The following CRBN variants were observed in gnomAD, a reference collection of about 807,000 sequenced individuals.
The protein encoded by CRBN is cereblon.
In CRBN, 53 loss-of-function variants were observed where a neutral mutation model predicts 62.2. That is an observed-to-expected ratio of 0.85 (90% confidence interval 0.68 to 1.07). The LOEUF is 1.07. CRBN is among the 50% of genes least tolerant of loss of function. CRBN has a pLI of 0.00. For synonymous variants in CRBN, 208 were observed against 176.1 expected (o/e 1.18, Z -1.43); for missense variants, 616 against 531.1 (o/e 1.16, Z -1.57).
At chr3:3,177,119 C>T (rs1426224117) in intron 1 of CRBN, among the ~76,000 whole-genome samples, 1 of 151,504 alleles carries the variant, frequency 6.6e-6, no homozygotes, top group Non-Finnish European at 1.5e-5. Flanking sequence ...AAGAATTCTC[C>T]AGCCCAAAAG....
chr3:3,167,158 A>G (rs780748460), intron 5 of CRBN, among the ~76,000 whole-genome samples: 1 of 152,152 alleles, frequency 6.6e-6, no homozygotes, highest in Non-Finnish European at 1.5e-5. Flanking sequence ...AAGAGCACCT[A>G]GTCTCAAGTC....
rs1186399046 is a variant in CRBN at position 3,150,443 on chromosome 3, G to T, written c.*422C>A. On this transcript the variant is annotated 3_prime_UTR_variant, in exon 11 of 11. Coordinates refer to ENST00000231948, the MANE Select transcript of CRBN (RefSeq NM_016302.4). ...GTCACCCTAGCTTTTGTTATTTAGA[G>T]CACTGGTACAGATACGCTGTCCCAT... The T allele has an allele frequency of 6.0e-6, 1 of 166,376 alleles. No individual in the cohort carries two copies. The highest frequency in any genetic ancestry group is 2.4e-5 in the African/African-American group (1 of 41,346). 10.3% of individuals were successfully genotyped at this position (166,376 alleles called of 1,614,324 possible). A position where few individuals can be genotyped will look rare whatever the true frequency, so the allele number is the denominator to read the frequency against.
Position 3,150,886 on chromosome 3 carries a change from G to C in CRBN, c.1308C>G (p.Asp436Glu). Residue 436 changes from aspartate to glutamate, a missense_variant, in exon 11 of 11, where the codon GAC becomes GAG. Coordinates refer to ENST00000231948, the MANE Select transcript of CRBN (RefSeq NM_016302.4). Reference sequence around the variant, plus strand: ...CTGTTTACAAGCAAAGTATTACTTTGTCTGGACTTATTTCATCTTCAGTGT... The same window carrying C: ...CTGTTTACAAGCAAAGTATTACTTTCTCTGGACTTATTTCATCTTCAGTGT... ...IPDTEDEISP[D>E]KVILCL The C allele has an allele frequency of 6.2e-7, 1 of 1,613,600 alleles. No homozygotes were observed. Among genetic ancestry groups the C allele is most frequent in the Non-Finnish European group, 8.5e-7 (1 of 1,179,794 alleles).
intron 9 of CRBN, 199 bp downstream of exon 9, chr3:3,153,201 CTTTACCATGCTCATTACCTGTGAA>C (rs1706705733): frequency 2.1e-6 from 1 of 481,040 alleles, no homozygotes; most frequent in Admixed American, 3.7e-5. Flanking sequence ...AGTTGTTTTA[CTTTACCATGCTCATTACCTGTGAA>C]TAATCCCTGA....
chr3:3,151,578 C>T (rs1246006949), intron 10 of CRBN, among the ~76,000 whole-genome samples: 1 of 151,986 alleles, frequency 6.6e-6, no homozygotes, highest in African/African-American at 2.4e-5. Context: ...TAAGATAAAC[C>T]ATGTAATTGC....
chr3:3,173,023 A>C (rs1047886299), intron 3 of CRBN, 98 bp from the exon 4 acceptor site: 6 of 881,540 alleles, frequency 6.8e-6, no homozygotes, highest in Non-Finnish European at 1.2e-5. Flanking sequence ...CAATTTATAG[A>C]ATCAACCCTT....
At chr3:3,163,341 C>T (rs764385624) in intron 5 of CRBN, among the ~76,000 whole-genome samples, 12 of 152,164 alleles carry the variant, frequency 7.9e-5, no homozygotes, top group Non-Finnish European at 1.3e-4. Flanking sequence ...TGAAAATAAC[C>T]AAGGGCTAAT....
rs1706636282 is a variant in CRBN, at chr3:3,152,457, C to A, written c.1147G>T (p.Gly383Trp). ...RPSTEHSWFP[G>W]YAWTVAQCKI... is the part of the protein sequence containing the mutation. ...AAGCAACCACCACCATAATATTACC[C>A]AGGAAACCAGCTGTGTTCTGTAGAA... Residue 383 changes from glycine to tryptophan, a missense_variant and splice_region_variant, in exon 10 of 11, where the codon GGG becomes TGG. Physicochemically the swap from Gly to Trp is radical, Grantham distance 184. Transcript: ENST00000231948. 1.9e-6 allele frequency: 3 copies of A among 1,613,714 alleles called. No individual in the cohort carries two copies. Among genetic ancestry groups the A allele is most frequent in the Non-Finnish European group, 2.5e-6 (3 of 1,179,914 alleles).
At chr3:3,171,054 C>T (rs1431263141) in intron 4 of CRBN, among the ~76,000 whole-genome samples, 1 of 152,148 alleles carries the variant, frequency 6.6e-6, no homozygotes. Context: ...ATCGTCCTGC[C>T]TTGGCCTCCC....
chr3:3,151,190 A>T, intron 10 of CRBN, 145 bp from the exon 11 acceptor site: 1 of 815,448 alleles, frequency 1.2e-6, no homozygotes, highest in East Asian at 2.7e-5. Context: ...CAGTTCCCTG[A>T]AACCTAAAAA....
intron 5 of CRBN, among the ~76,000 whole-genome samples, chr3:3,164,981 G>A (rs1707273364): frequency 6.6e-6 from 1 of 152,160 alleles, no homozygotes; most frequent in Non-Finnish European, 1.5e-5. Context: ...GGGAGGTGGT[G>A]AAAATATCAA....
chr3:3,175,078 CA>C (rs1707777044), intron 2 of CRBN, 84 bp downstream of exon 2: 4 of 912,372 alleles, frequency 4.4e-6, no homozygotes, highest in African/African-American at 3.3e-5. Flanking sequence ...TCTAGTAATA[CA>C]AATATCAGTC....
chr3:3,157,489 C>A (rs1167634367), intron 5 of CRBN, among the ~76,000 whole-genome samples: 1 of 152,104 alleles, frequency 6.6e-6, no homozygotes, highest in African/African-American at 2.4e-5. Flanking sequence ...TAACATTTAA[C>A]AAAACAAGAG....
intron 4 of CRBN, among the ~76,000 whole-genome samples, chr3:3,169,054 G>A (rs1209557481): frequency 6.6e-6 from 1 of 152,096 alleles, no homozygotes; most frequent in Non-Finnish European, 1.5e-5. Context: ...GATTCTTCAA[G>A]GTTATAGGTA....
intron 4 of CRBN, among the ~76,000 whole-genome samples, chr3:3,171,688 A>G (rs1295222324): frequency 6.6e-6 from 1 of 152,136 alleles, no homozygotes; most frequent in East Asian, 1.9e-4. Context: ...TATTTTCATA[A>G]TTCAAAAATA....
rs1437838762 is a variant in CRBN at position 3,156,704 on chromosome 3, A to G, written c.688-423T>C. Reference sequence around the variant, plus strand: ...TTAAATGAGAATCAGCTGAATCACTATAAGGGCAAACATTAAGAAGTGATA... The same window carrying G: ...TTAAATGAGAATCAGCTGAATCACTGTAAGGGCAAACATTAAGAAGTGATA... On this transcript the variant is annotated intron_variant, in intron 5 of 10. Coordinates refer to ENST00000231948, the MANE Select transcript of CRBN (RefSeq NM_016302.4). 2.8e-5 allele frequency: 5 copies of G among 177,496 alleles called. No individual in the cohort carries two copies. In the South Asian group the frequency reaches 3.4e-4, roughly 12 times the overall value. The allele number at this position is 177,496 out of a possible 1,614,324, so 11.0% of individuals were successfully genotyped here.
intron 5 of CRBN, among the ~76,000 whole-genome samples, chr3:3,159,583 T>G (rs536778540): frequency 1.3e-5 from 2 of 152,250 alleles, no homozygotes; most frequent in Non-Finnish European, 1.5e-5. Context: ...AGGCATTCAC[T>G]CTGCCACCAT....
rs776654473 is a variant in CRBN, at chr3:3,153,516, G to A, written c.952-28C>T. The A allele has an allele frequency of 2.2e-6, 3 of 1,368,558 alleles. No individual in the cohort carries two copies. In the Admixed American group the frequency reaches 5.0e-5, roughly 23 times the overall value. 84.8% of individuals were successfully genotyped at this position (1,368,558 alleles called of 1,614,324 possible). On this transcript the variant is annotated intron_variant, in intron 8 of 10. Transcript: ENST00000231948. ...AAAAGATTTGAGAGAAAAATTATTG[G>A]TAGGAAAAACTGGCATTCACTTTAT...
At position 3,159,440 on chromosome 3, in the gene CRBN, A is replaced by G. The variant is rs186476022; in HGVS notation, c.688-3159T>C. Among the ~76,000 whole-genome samples the G allele has an allele frequency of 1.2e-3, 178 of 152,340 alleles. 3 individuals are homozygous for G. The highest frequency in any genetic ancestry group is 8.2e-4 in the Non-Finnish European group (56 of 68,034). ...CTTTTGTAATACAAAAGAAATGTAA[A>G]AAAGTGTAGTACAAAAGTGTAATTT... On this transcript the variant is annotated intron_variant, in intron 5 of 10. Transcript: ENST00000231948.
Sources: gnomAD v4.1 joint callset for allele counts (sites outside exome capture counted in the v4.1 genomes callset) on GRCh38, gnomAD v4.1.1 for gene constraint, MANE v1.5 for transcripts, NCBI Gene and HGNC (gene_info 2026-07-23, HGNC 2026-07-21) for gene names.